COL5A2: variants seen among roughly 807,000 people sequenced by gnomAD.
The protein encoded by COL5A2 is collagen alpha-2(V) chain.
A neutral mutation model predicts 208.2 loss-of-function variants in COL5A2; 23 were observed. The ratio of observed to expected loss-of-function variants is 0.11; its 90% CI spans 0.08 to 0.16. The LOEUF is 0.16. Among genes scored for constraint, COL5A2 ranks in the 10% least tolerant of loss-of-function variants. The probability of loss-of-function intolerance (pLI) is 1.00; values close to 1 mark genes in which losing one functional copy is unlikely to be tolerated. For missense variants in COL5A2, 1,590 were observed against 1,956.4 expected (o/e 0.81, Z 3.53); for synonymous variants, 625 against 628.5 (o/e 0.99, Z 0.08).
At chr2:189,186,573 G>T (rs537833538) in intron 1 of COL5A2, among the ~76,000 whole-genome samples, 6 of 152,142 alleles carry the variant, frequency 3.9e-5, no homozygotes, top group Admixed American at 6.5e-5. Context: ...CAAATTGCAC[G>T]TCAAGGAATG....
At chr2:189,408,166 G>C in the COL5A2 span, among the ~76,000 whole-genome samples, 1 of 152,102 alleles carries the variant, frequency 6.6e-6, no homozygotes, top group African/African-American at 2.4e-5. Flanking sequence ...CAATTGTTTA[G>C]TGCAAAGGAC....
intron 1 of COL5A2, among the ~76,000 whole-genome samples, chr2:189,168,549 G>GA (rs889856007): frequency 4.5e-4 from 68 of 149,666 alleles, no homozygotes; most frequent in African/African-American, 1.4e-3. Context: ...GAAAGAATGA[G>GA]AAAAAAAAAG....
chr2:189,332,407 GTATA>G, the COL5A2 span, among the ~76,000 whole-genome samples: 1 of 152,116 alleles, frequency 6.6e-6, no homozygotes, highest in African/African-American at 2.4e-5. Context: ...TCAAGTCCCC[GTATA>G]TTTCAAAGAA....
At chr2:189,371,523 A>G in the COL5A2 span, among the ~76,000 whole-genome samples, 1 of 152,210 alleles carries the variant, frequency 6.6e-6, no homozygotes, top group South Asian at 2.1e-4. Context: ...AAGGTCTCAG[A>G]TGGAAGTAAG....
At chr2:189,392,636 T>A in the COL5A2 span, among the ~76,000 whole-genome samples, 1 of 152,120 alleles carries the variant, frequency 6.6e-6, no homozygotes, top group Non-Finnish European at 1.5e-5. Context: ...GTAAAAAGCT[T>A]AGTCCCAGCC....
chr2:189,087,752 C>T (rs1686695861), intron 8 of COL5A2, among the ~76,000 whole-genome samples: 2 of 151,558 alleles, frequency 1.3e-5, no homozygotes, highest in African/African-American at 4.9e-5. Flanking sequence ...CAGGCGTGAG[C>T]CACCGTGCCT....
At chr2:189,143,314 G>T (rs527473240) in intron 1 of COL5A2, among the ~76,000 whole-genome samples, 1 of 152,114 alleles carries the variant, frequency 6.6e-6, no homozygotes, top group Non-Finnish European at 1.5e-5. Flanking sequence ...CTGTCCACTT[G>T]CCTAGGGTCA....
intron 47 of COL5A2, among the ~76,000 whole-genome samples, chr2:189,043,480 G>C (rs549000455): frequency 2.1e-4 from 32 of 151,924 alleles, no homozygotes; most frequent in African/African-American, 7.5e-4. Flanking sequence ...GATATAATAA[G>C]AATACTTTTC....
At chr2:189,134,569 A>G (rs1379636250) in intron 1 of COL5A2, among the ~76,000 whole-genome samples, 1 of 152,232 alleles carries the variant, frequency 6.6e-6, no homozygotes. Flanking sequence ...AGCCTGGGAA[A>G]TAGAGTGAGA....
At chr2:189,165,509 A>G (rs941877410) in intron 1 of COL5A2, among the ~76,000 whole-genome samples, 1 of 152,162 alleles carries the variant, frequency 6.6e-6, no homozygotes, top group Non-Finnish European at 1.5e-5. Context: ...TTGGAGGAAA[A>G]GTCTGTAATG....
At chr2:189,138,323 A>G (rs989948713) in intron 1 of COL5A2, among the ~76,000 whole-genome samples, 4 of 151,964 alleles carry the variant, frequency 2.6e-5, no homozygotes, top group Non-Finnish European at 4.4e-5. Flanking sequence ...CTCTACCCTT[A>G]TCTTACTTAT....
chr2:189,440,150 A>G, the COL5A2 span, among the ~76,000 whole-genome samples: 2 of 152,226 alleles, frequency 1.3e-5, no homozygotes, highest in Non-Finnish European at 2.9e-5. Flanking sequence ...CTCCTCAGTA[A>G]AAAGTAAATT....
chr2:189,052,011 T>C, intron 41 of COL5A2, among the ~76,000 whole-genome samples, 161 bp downstream of exon 41: 1 of 152,212 alleles, frequency 6.6e-6, no homozygotes, highest in East Asian at 1.9e-4. Context: ...TTAAGGATGA[T>C]TTGCTTTGCT....
At chr2:189,084,843 C>T (rs1225628003) in intron 11 of COL5A2, among the ~76,000 whole-genome samples, 1 of 152,102 alleles carries the variant, frequency 6.6e-6, no homozygotes, top group Non-Finnish European at 1.5e-5. Context: ...TTTTTTCTTT[C>T]AGGTAATTTC....
At chr2:189,384,148 C>T in the COL5A2 span, among the ~76,000 whole-genome samples, 3 of 152,064 alleles carry the variant, frequency 2.0e-5, no homozygotes, top group East Asian at 1.9e-4. Context: ...TTCTTTATCC[C>T]TTCATCCACT....
the COL5A2 span, among the ~76,000 whole-genome samples, chr2:189,434,600 C>T: frequency 6.6e-6 from 1 of 152,068 alleles, no homozygotes; most frequent in Non-Finnish European, 1.5e-5. Flanking sequence ...AATAAAATAC[C>T]TAGGAATCCA....
At chr2:189,104,009 C>A (rs1687101393) in intron 3 of COL5A2, among the ~76,000 whole-genome samples, 1 of 151,998 alleles carries the variant, frequency 6.6e-6, no homozygotes, top group South Asian at 2.1e-4. Flanking sequence ...CAGACATTTT[C>A]AATCCCTAAA....
chr2:189,202,046 C>G (rs1420642806), intron 1 of COL5A2, among the ~76,000 whole-genome samples: 2 of 151,110 alleles, frequency 1.3e-5, no homozygotes, highest in African/African-American at 4.9e-5. Context: ...AGAAGTAAAG[C>G]ATTTTAAGCT....
chr2:189,179,450 C>T, intron 1 of COL5A2, 58 bp downstream of exon 1: 1 of 1,564,486 alleles, frequency 6.4e-7, no homozygotes, highest in African/African-American at 1.3e-5. Context: ...GCTTAACATT[C>T]CACCTATTTC....
Sources: gnomAD v4.1 joint callset for allele counts (sites outside exome capture counted in the v4.1 genomes callset) on GRCh38, gnomAD v4.1.1 for gene constraint, MANE v1.5 for transcripts, NCBI Gene and HGNC (gene_info 2026-07-23, HGNC 2026-07-21) for gene names.